Variants in ARHGEF10 observed in about 807,000 individuals in gnomAD.
The protein encoded by ARHGEF10 is Rho guanine nucleotide exchange factor (GEF) 10.
A neutral mutation model predicts 147.4 loss-of-function variants in ARHGEF10; 140 were observed. That is an observed-to-expected ratio of 0.95 (90% CI 0.83 to 1.09). The LOEUF (loss-of-function observed/expected upper bound fraction) is 1.09. Ranked by LOEUF, ARHGEF10 falls within the 50% of genes least tolerant of loss-of-function variation. The probability of loss-of-function intolerance (pLI) is 0.00; values close to 1 mark genes in which losing one functional copy is unlikely to be tolerated. For missense variants in ARHGEF10, 2,222 were observed against 1,752.7 expected (o/e 1.27, Z -4.78); for synonymous variants, 902 against 695.8 (o/e 1.30, Z -4.67).
chr8:1,896,391 C>T lies in ARHGEF10; in HGVS notation c.1499C>T (p.Ala500Val), dbSNP rs1809972255. Residue 500 changes from alanine (A) to valine (V), a missense_variant, in exon 14 of 29, where the codon GCC becomes GTC. Transcript: ENST00000349830. ...GAATATGTGAACAATTTCAGCACAG[C>T]CGTGGCAGTCCTCAAGAAAACATGT... Reference protein sequence around the residue: ...YSEYVNNFSTAVAVLKKTCAT... With the variant: ...YSEYVNNFSTVVAVLKKTCAT... The T allele has an allele frequency of 1.2e-6, 2 of 1,613,900 alleles. No individual in the cohort carries two copies. Among genetic ancestry groups the T allele is most frequent in the African/African-American group, 2.7e-5 (2 of 74,886 alleles).
intron 11 of ARHGEF10, among the ~76,000 whole-genome samples, chr8:1,886,889 G>A (rs1808707250): frequency 6.6e-6 from 1 of 152,130 alleles, no homozygotes. Flanking sequence ...TGCTCACTGG[G>A]GCCATGTGAT....
intron 1 of ARHGEF10, among the ~76,000 whole-genome samples, chr8:1,828,833 A>C (rs1802920102): frequency 6.6e-6 from 1 of 152,218 alleles, no homozygotes. Context: ...GGTTTTAAGG[A>C]ATTACATTTT....
chr8:1,940,582 T>G (rs1814005226), intron 26 of ARHGEF10, among the ~76,000 whole-genome samples: 1 of 152,168 alleles, frequency 6.6e-6, no homozygotes, highest in African/African-American at 2.4e-5. Context: ...CAGTACTCTT[T>G]CCCAAACTCT....
chr8:1,847,697 T>C (rs1804667489), intron 2 of ARHGEF10, among the ~76,000 whole-genome samples: 1 of 152,212 alleles, frequency 6.6e-6, no homozygotes, highest in South Asian at 2.1e-4. Context: ...GAAGTGGTTA[T>C]GAATAGCCTC....
chr8:1,825,054 G>A, intron 1 of ARHGEF10, among the ~76,000 whole-genome samples: 1 of 25,384 alleles, frequency 3.9e-5, no homozygotes, highest in Admixed American at 5.6e-4. Context: ...CTGTTCACCC[G>A]CACTCCACCT....
rs1563260730 is a variant in ARHGEF10 at position 1,903,267 on chromosome 8, C to T, written c.1651-14C>T. 6.8e-6 allele frequency: 11 copies of T among 1,614,040 alleles called. No individual in the cohort carries two copies. Among genetic ancestry groups the T allele is most frequent in the African/African-American group, 1.3e-5 (1 of 75,032 alleles). ...CCACGTGGTAACTGCCCACCTCTCCCCTGTTGCTTGTAGGACATGCTGAAG... is the reference window on the plus strand; with the variant it reads ...CCACGTGGTAACTGCCCACCTCTCCTCTGTTGCTTGTAGGACATGCTGAAG... On this transcript the variant is annotated splice_polypyrimidine_tract_variant and intron_variant, in intron 15 of 28. Transcript: ENST00000349830.
intron 27 of ARHGEF10, among the ~76,000 whole-genome samples, chr8:1,947,263 C>A (rs968872816): frequency 6.6e-6 from 1 of 152,202 alleles, no homozygotes; most frequent in Non-Finnish European, 1.5e-5. Flanking sequence ...CACTCGACCT[C>A]CCGTGGGCTC....
Position 1,880,048 on chromosome 8 carries a change from C to G in ARHGEF10, c.844C>G (p.Leu282Val), listed in dbSNP as rs757579124. 5.0e-6 allele frequency: 8 copies of G among 1,604,774 alleles called. No homozygotes were observed. The African/African-American group carries it at 8.0e-5, about 16-fold the overall frequency. Residue 282 changes from leucine to valine, a missense_variant and splice_region_variant, in exon 9 of 29, where the codon CTT becomes GTT. Physicochemically the swap from Leu to Val is conservative, Grantham distance 32. Coordinates refer to ENST00000349830, the MANE Select transcript of ARHGEF10 (RefSeq NM_014629.4). ...AAGACTGTGTCTCTTTATGCTGTAGCTTTCTCATGACCTAACCCGTTTAAA... is the reference window on the plus strand; with the variant it reads ...AAGACTGTGTCTCTTTATGCTGTAGGTTTCTCATGACCTAACCCGTTTAAA... Reference protein sequence around the residue: ...SFLRSNHKKQLSHDLTRLKEH... With the variant: ...SFLRSNHKKQVSHDLTRLKEH...
chr8:1,934,515 C>T (rs1001037246), intron 26 of ARHGEF10, among the ~76,000 whole-genome samples: 3 of 152,162 alleles, frequency 2.0e-5, no homozygotes, highest in Non-Finnish European at 4.4e-5. Context: ...GAAATGTGTT[C>T]AGTATGAACC....
chr8:1,851,293 T>A (rs1406318545), intron 2 of ARHGEF10, among the ~76,000 whole-genome samples: 1 of 141,170 alleles, frequency 7.1e-6, no homozygotes, highest in Non-Finnish European at 1.5e-5. Context: ...TACCTCAGTG[T>A]TGGCTCCTCA....
chr8:1,893,407 A>G (rs1319226285), intron 11 of ARHGEF10, among the ~76,000 whole-genome samples, 162 bp from the exon 12 acceptor site: 1 of 152,188 alleles, frequency 6.6e-6, no homozygotes, highest in Non-Finnish European at 1.5e-5. Flanking sequence ...AATGGGGCGA[A>G]GTATGTTTTG....
chr8:1,891,638 C>G (rs1809536284), intron 11 of ARHGEF10, among the ~76,000 whole-genome samples: 2 of 152,132 alleles, frequency 1.3e-5, no homozygotes, highest in African/African-American at 4.8e-5. Context: ...TGCCCCATGA[C>G]CTTCATGCCA....
chr8:1,855,459 G>C (rs1427888048), intron 2 of ARHGEF10, among the ~76,000 whole-genome samples: 1 of 152,042 alleles, frequency 6.6e-6, no homozygotes, highest in African/African-American at 2.4e-5. Context: ...TCAGCTCACT[G>C]CAACTTCCGC....
At chr8:1,828,390 G>C (rs140181445) in intron 1 of ARHGEF10, among the ~76,000 whole-genome samples, 1 of 151,746 alleles carries the variant, frequency 6.6e-6, no homozygotes, top group Admixed American at 6.6e-5. Flanking sequence ...TTGATAAACC[G>C]TGGCATGCAC....
At chr8:1,906,102 A>G (rs1272514077) in intron 17 of ARHGEF10, among the ~76,000 whole-genome samples, 1 of 152,232 alleles carries the variant, frequency 6.6e-6, no homozygotes, top group Non-Finnish European at 1.5e-5. Context: ...AAAGTTGGGT[A>G]TATTCATATT....
chr8:1,927,817 T>G (rs1207074737), intron 23 of ARHGEF10, among the ~76,000 whole-genome samples: 1 of 152,170 alleles, frequency 6.6e-6, no homozygotes, highest in African/African-American at 2.4e-5. Flanking sequence ...GGCACGAGCC[T>G]ATAGTCCCAG....
At chr8:1,905,845 G>T in intron 17 of ARHGEF10, 129 bp downstream of exon 17, 4 of 1,153,932 alleles carry the variant, frequency 3.5e-6, no homozygotes, top group Non-Finnish European at 5.1e-6. Flanking sequence ...GCTCTGTCCT[G>T]TGACTAAGGG....
chr8:1,898,658 G>A (rs367590968), intron 15 of ARHGEF10, 133 bp downstream of exon 15: 1 of 931,010 alleles, frequency 1.1e-6, no homozygotes, highest in South Asian at 1.4e-5. Flanking sequence ...GGCAGTTACA[G>A]GAGGTGGAGG....
Position 1,948,478 on chromosome 8 carries a change from T to A in ARHGEF10, c.3397+2823T>A, listed in dbSNP as rs1265687132. On this transcript the variant is annotated intron_variant, in intron 27 of 28. Transcript: ENST00000349830. This position sits in a 1 kb window ranked among gnomAD's most constrained non-coding sequence, Gnocchi z 4.9. ...GGTACACTGACTGCTTTACCCACAT[T>A]CAGTTCTCTGCTCCCAGGCTGTGGT... is the stretch of plus-strand genomic sequence containing the variant. Among the ~76,000 whole-genome samples, 1 of 152,182 alleles carries A rather than the reference T, an allele frequency of 6.6e-6. No individual in the cohort carries two copies. The highest frequency in any genetic ancestry group is 1.5e-5 in the Non-Finnish European group (1 of 68,036).
Sources: allele counts gnomAD v4.1 joint callset (sites outside exome capture counted in the v4.1 genomes callset), GRCh38; gene constraint gnomAD v4.1.1; non-coding constraint Gnocchi (gnomAD v3.1); transcripts MANE v1.5; gene names NCBI Gene and HGNC (gene_info 2026-07-23, HGNC 2026-07-21).